CMIP: variants seen among roughly 807,000 people sequenced by gnomAD.
CMIP encodes the protein C-Maf-inducing protein.
In CMIP, 13 loss-of-function variants were observed where a neutral mutation model predicts 97.3. The observed-to-expected ratio is 0.13, with a 90% confidence interval of 0.09 to 0.21. The LOEUF (loss-of-function observed/expected upper bound fraction) is 0.21, where lower values mean the gene tolerates loss of function less well. CMIP is among the 10% of genes least tolerant of loss of function. The pLI is 1.00. For synonymous variants in CMIP, 538 were observed against 436.3 expected (o/e 1.23, Z -2.91); for missense variants, 847 against 1,024.9 (o/e 0.83, Z 2.37).
At chr16:81,583,131 G>C (rs181298101) in intron 1 of CMIP, among the ~76,000 whole-genome samples, 1 of 152,264 alleles carries the variant, frequency 6.6e-6, no homozygotes, top group Non-Finnish European at 1.5e-5. Flanking sequence ...TCTGACCTTG[G>C]CCGTCTGATC....
intron 1 of CMIP, among the ~76,000 whole-genome samples, chr16:81,532,105 G>A (rs540766883): frequency 1.3e-4 from 20 of 152,308 alleles, no homozygotes; most frequent in African/African-American, 4.8e-4. Context: ...GGAAATCGAG[G>A]CCAAGGACAG....
At chr16:81,660,612 A>G (rs1212247209) in intron 5 of CMIP, among the ~76,000 whole-genome samples, 1 of 152,170 alleles carries the variant, frequency 6.6e-6, no homozygotes, top group Admixed American at 6.5e-5. Context: ...GTATGTTTTC[A>G]TCAGGAAAAG....
intron 1 of CMIP, among the ~76,000 whole-genome samples, chr16:81,592,316 A>G (rs2091478423): frequency 6.6e-6 from 1 of 152,124 alleles, no homozygotes; most frequent in South Asian, 2.1e-4. Context: ...CTTGTACCCA[A>G]GCCTCCTCTG....
At chr16:81,605,505 C>T (rs1272621614) in intron 1 of CMIP, among the ~76,000 whole-genome samples, 2 of 152,228 alleles carry the variant, frequency 1.3e-5, no homozygotes, top group Non-Finnish European at 2.9e-5. Flanking sequence ...GCTAAAGCTC[C>T]TGCAAACCCC....
intron 15 of CMIP, among the ~76,000 whole-genome samples, chr16:81,700,953 T>G (rs538359459): frequency 3.3e-5 from 5 of 152,172 alleles, no homozygotes; most frequent in Admixed American, 2.0e-4. Flanking sequence ...AGAGGCGCTG[T>G]GAGAAGCGTG....
chr16:81,669,020 T>TCA (rs201301155), intron 7 of CMIP, among the ~76,000 whole-genome samples: 1 of 69,146 alleles, frequency 1.4e-5, no homozygotes, highest in Non-Finnish European at 2.9e-5. Flanking sequence ...CACCTCACAC[T>TCA]CCTCCTTCCA....
intron 1 of CMIP, among the ~76,000 whole-genome samples, chr16:81,459,994 C>T (rs1906806161): frequency 6.6e-6 from 1 of 152,228 alleles, no homozygotes; most frequent in Admixed American, 6.5e-5. Context: ...GTGTCCCCTC[C>T]AGTGGGGAAG....
At chr16:81,601,661 A>G (rs1404273772) in intron 1 of CMIP, among the ~76,000 whole-genome samples, 1 of 152,056 alleles carries the variant, frequency 6.6e-6, no homozygotes, top group Non-Finnish European at 1.5e-5. Flanking sequence ...CCCCAAAACT[A>G]GCTCCATATC....
intron 3 of CMIP, chr16:81,645,420 C>G: frequency 4.0e-6 from 6 of 1,487,386 alleles, no homozygotes; most frequent in Non-Finnish European, 5.4e-6. Context: ...CAGCCCCTGC[C>G]TGGCGCGACG....
chr16:81,519,688 G>C (rs2089983241), intron 1 of CMIP: 1 of 152,198 alleles, frequency 6.6e-6, no homozygotes, highest in South Asian at 2.1e-4. Context: ...ATGACGATAA[G>C]ACAGGATAAA....
intron 1 of CMIP, among the ~76,000 whole-genome samples, chr16:81,502,645 C>T (rs1011667829): frequency 3.9e-5 from 6 of 152,214 alleles, no homozygotes; most frequent in Non-Finnish European, 8.8e-5. Context: ...AATGAAGTCA[C>T]ATCCAAGACC....
intron 4 of CMIP, among the ~76,000 whole-genome samples, chr16:81,656,158 C>T (rs2092479078): frequency 6.6e-6 from 1 of 152,222 alleles, no homozygotes; most frequent in Admixed American, 6.5e-5. Flanking sequence ...TCATGGGGAC[C>T]GGTAGAGACT....
In CMIP at chr16:81,688,671, T is replaced by A. The variant is rs533090303; in HGVS notation, c.1389-3104T>A. 8.2e-4 allele frequency among the ~76,000 whole-genome samples: 125 copies of A among 152,338 alleles called. No homozygotes were observed. In the Middle Eastern group the frequency reaches 0.01, roughly 12 times the overall value. ...CATTAGCATCAACTCTGTTTTTTTT[T>A]AATATACTTTAAGTTCTAGGGTACA... On this transcript the variant is annotated intron_variant, in intron 10 of 20. Transcript: ENST00000537098.
chr16:81,567,148 C>T (rs1040130156), intron 1 of CMIP, among the ~76,000 whole-genome samples: 2 of 152,258 alleles, frequency 1.3e-5, no homozygotes, highest in African/African-American at 4.8e-5. Flanking sequence ...TGGATGCTCA[C>T]TGGGTCTTCG....
chr16:81,544,947 A>G (rs142909924), intron 1 of CMIP, among the ~76,000 whole-genome samples: 2 of 152,166 alleles, frequency 1.3e-5, no homozygotes, highest in African/African-American at 4.8e-5. Context: ...TTTGGCAGAG[A>G]AGGCTGCCAA....
intron 3 of CMIP, chr16:81,645,485 G>A (rs945119638): frequency 1.3e-6 from 2 of 1,534,058 alleles, no homozygotes; most frequent in African/African-American, 2.7e-5. Context: ...CATTCCTGCT[G>A]ACGACTTGTC....
chr16:81,504,216 C>G (rs2089662994), intron 1 of CMIP, among the ~76,000 whole-genome samples: 1 of 152,080 alleles, frequency 6.6e-6, no homozygotes, highest in East Asian at 1.9e-4. Context: ...ATCCCAAGTA[C>G]TTGGGAGGCT....
At chr16:81,478,643 A>G (rs1908074128) in intron 1 of CMIP, among the ~76,000 whole-genome samples, 1 of 152,174 alleles carries the variant, frequency 6.6e-6, no homozygotes, top group Non-Finnish European at 1.5e-5. Context: ...GGTGCCCTGC[A>G]GAGCCGCAGC....
intron 1 of CMIP, among the ~76,000 whole-genome samples, chr16:81,459,499 C>T (rs994843815): frequency 1.3e-5 from 2 of 152,192 alleles, no homozygotes; most frequent in Non-Finnish European, 2.9e-5. Flanking sequence ...GGAAACCCGC[C>T]GTTGGGAGGA....
Sources: allele counts gnomAD v4.1 joint callset (sites outside exome capture counted in the v4.1 genomes callset), GRCh38; gene constraint gnomAD v4.1.1; transcripts MANE v1.5; gene names NCBI Gene and HGNC (gene_info 2026-07-23, HGNC 2026-07-21).